DEPDC5: variants seen among roughly 807,000 people sequenced by gnomAD.
DEPDC5 encodes the protein GATOR1 complex protein DEPDC5.
In DEPDC5, 73 loss-of-function variants were observed where a neutral mutation model predicts 217.3. That is an observed-to-expected ratio of 0.34 (90% CI 0.28 to 0.41). The LOEUF (loss-of-function observed/expected upper bound fraction) is 0.41. Among genes scored for constraint, DEPDC5 ranks in the 10% least tolerant of loss-of-function variants. DEPDC5 has a pLI of 1.00. For missense variants in DEPDC5, 1,675 were observed against 2,070.1 expected (o/e 0.81, Z 3.70); for synonymous variants, 733 against 756.7 (o/e 0.97, Z 0.51).
intron 30 of DEPDC5, among the ~76,000 whole-genome samples, chr22:31,845,551 G>A (rs551126711): frequency 2.3e-4 from 35 of 152,198 alleles, no homozygotes; most frequent in African/African-American, 7.5e-4. Context: ...CTGAACCTCT[G>A]AGTAGAAACT....
chr22:31,773,202 A>G (rs1569515046), intron 7 of DEPDC5, among the ~76,000 whole-genome samples: 1 of 151,962 alleles, frequency 6.6e-6, no homozygotes, highest in Non-Finnish European at 1.5e-5. Flanking sequence ...TTATATATTT[A>G]TTTCTGAGAT....
chr22:31,811,482 G>A (rs948034600), intron 20 of DEPDC5, among the ~76,000 whole-genome samples: 1 of 151,998 alleles, frequency 6.6e-6, no homozygotes, highest in African/African-American at 2.4e-5. Context: ...TTCTGAGTGG[G>A]CATGAACTTT....
At chr22:31,853,485 A>G (rs1182357899) in intron 31 of DEPDC5, 1 of 152,182 alleles carries the variant, frequency 6.6e-6, no homozygotes, top group Non-Finnish European at 1.5e-5. Context: ...GCTTGCACAG[A>G]ATTTTTTATT....
intron 31 of DEPDC5, among the ~76,000 whole-genome samples, chr22:31,854,783 A>G (rs897248195): frequency 2.6e-5 from 4 of 152,200 alleles, no homozygotes; most frequent in Non-Finnish European, 5.9e-5. Flanking sequence ...AACATGTTAT[A>G]TAATAAAGGG....
chr22:31,808,314 G>A (rs1315739656), intron 18 of DEPDC5, among the ~76,000 whole-genome samples: 1 of 150,472 alleles, frequency 6.6e-6, no homozygotes, highest in Non-Finnish European at 1.5e-5. Flanking sequence ...AGGCTGGAGT[G>A]CAGTGGTGCG....
chr22:31,800,996 T>C (rs540290759), intron 14 of DEPDC5, among the ~76,000 whole-genome samples: 3 of 151,566 alleles, frequency 2.0e-5, no homozygotes, highest in African/African-American at 7.3e-5. Context: ...TCTTTTTTTT[T>C]TTTTTAAATA....
At chr22:31,863,955 G>T (rs1469657790) in intron 33 of DEPDC5, among the ~76,000 whole-genome samples, 1 of 151,774 alleles carries the variant, frequency 6.6e-6, no homozygotes. Flanking sequence ...ATCAGAAGTA[G>T]TAAGAGCTCA....
At chr22:31,788,540 T>C (rs746508716) in intron 10 of DEPDC5, among the ~76,000 whole-genome samples, 1 of 149,152 alleles carries the variant, frequency 6.7e-6, no homozygotes, top group Non-Finnish European at 1.5e-5. Flanking sequence ...GGCCTCCCAA[T>C]GTGCTGAGAT....
rs753373012 is a variant in DEPDC5, at chr22:31,802,811, C to T, written c.1054C>T (p.Leu352=). The T allele has an allele frequency of 1.2e-6, 2 of 1,606,030 alleles. No individual in the cohort carries two copies. The highest frequency in any genetic ancestry group is 1.7e-6 in the Non-Finnish European group (2 of 1,176,602). The change falls in exon 15 of 43, where the codon CTG becomes TTG. Residue 352 remains leucine, a synonymous_variant. Transcript: ENST00000651528. ...VFEVDRLLMI[L]TKQRMIDNGI... is the part of the protein sequence containing the mutation. ...TGAAGTGGACCGCCTACTCATGATC[C>T]TGACCAAGCAGCGGATGATAGATAA...
intron 38 of DEPDC5, among the ~76,000 whole-genome samples, chr22:31,890,010 T>C (rs1335938715): frequency 1.3e-5 from 2 of 152,234 alleles, no homozygotes; most frequent in East Asian, 1.9e-4. Flanking sequence ...AGATTGAACA[T>C]TGGCAAACTA....
At chr22:31,792,715 G>A (rs765685415) in intron 11 of DEPDC5, 30 bp from the exon 12 acceptor site, 8 of 1,509,722 alleles carry the variant, frequency 5.3e-6, no homozygotes, top group Middle Eastern at 1.7e-4. Context: ...TTCTCAGCCT[G>A]AACTACATAC....
chr22:31,897,790 T>C, intron 40 of DEPDC5, 137 bp downstream of exon 40: 2 of 995,552 alleles, frequency 2.0e-6, no homozygotes, highest in South Asian at 3.5e-5. Flanking sequence ...AGGATCAAGG[T>C]TCTAAAGGAT....
At chr22:31,902,411 TATATA>T (rs367673248) in intron 41 of DEPDC5, among the ~76,000 whole-genome samples, 6,700 of 113,142 alleles carry the variant, frequency 0.059, 491 homozygotes, top group African/African-American at 0.15. Flanking sequence ...CTCCTTATTA[TATATA>T]TATATATATA....
chr22:31,835,629 C>T (rs1477748737), intron 25 of DEPDC5, among the ~76,000 whole-genome samples: 1 of 152,156 alleles, frequency 6.6e-6, no homozygotes, highest in Non-Finnish European at 1.5e-5. Context: ...TCTGGCTTCC[C>T]CACTGGGGCT....
Position 31,789,097 on chromosome 22 carries a change from A to G in DEPDC5, c.625-2936A>G, listed in dbSNP as rs371411534. 6.6e-5 allele frequency among the ~76,000 whole-genome samples: 10 copies of G among 152,132 alleles called. No homozygotes were observed. In the South Asian group the frequency reaches 1.9e-3, roughly 28 times the overall value. ...TTTTTAGTAGTGATGTGGTTTCACC[A>G]TGTTGGCCAGGCTGGTCTCGAACTC... On this transcript the variant is annotated intron_variant, in intron 10 of 42. Coordinates refer to ENST00000651528, the MANE Select transcript of DEPDC5 (RefSeq NM_001242896.3).
intron 40 of DEPDC5, 86 bp from the exon 41 acceptor site, chr22:31,901,656 A>G (rs1396850768): frequency 5.9e-6 from 7 of 1,183,650 alleles, no homozygotes; most frequent in Non-Finnish European, 8.6e-6. Flanking sequence ...GATTGCCAAG[A>G]GTAGTAAAGG....
chr22:31,764,594 T>G (rs1041145989), intron 4 of DEPDC5, among the ~76,000 whole-genome samples: 2 of 152,152 alleles, frequency 1.3e-5, no homozygotes, highest in South Asian at 4.2e-4. Context: ...TTTTGTGTTT[T>G]TAGTAGAGAC....
In DEPDC5 at chr22:31,764,962, G is replaced by A. The variant is rs775212514; in HGVS notation, c.194-13G>A. The stretch of plus-strand genomic sequence containing the variant: ...AAATATGTTATCTGAGCCAGATATT[G>A]TTTCTGTTTTAGAAACTATCAGTGT... On this transcript the variant is annotated splice_polypyrimidine_tract_variant and intron_variant, in intron 4 of 42. Coordinates refer to ENST00000651528, the MANE Select transcript of DEPDC5 (RefSeq NM_001242896.3). 5 of 1,606,590 alleles carry A rather than the reference G, an allele frequency of 3.1e-6. 1 individual carries two copies. The highest frequency in any genetic ancestry group is 1.1e-5 in the South Asian group (1 of 90,822).
intron 10 of DEPDC5, among the ~76,000 whole-genome samples, chr22:31,789,702 GT>G (rs1388391768): frequency 6.6e-6 from 1 of 151,716 alleles, no homozygotes; most frequent in African/African-American, 2.4e-5. Context: ...GTCACATTAT[GT>G]AGTGTAAAAG....
Sources: allele counts gnomAD v4.1 joint callset (sites outside exome capture counted in the v4.1 genomes callset), GRCh38; gene constraint gnomAD v4.1.1; transcripts MANE v1.5; gene names NCBI Gene and HGNC (gene_info 2026-07-23, HGNC 2026-07-21).